TRPC4: variants seen among roughly 807,000 people sequenced by gnomAD.
The protein encoded by TRPC4 is transient receptor potential cation channel subfamily C member 4.
A neutral mutation model predicts 99.4 loss-of-function variants in TRPC4; 49 were observed. The ratio of observed to expected loss-of-function variants is 0.49; its 90% CI spans 0.39 to 0.63. TRPC4 has a LOEUF of 0.63. Ranked by LOEUF, TRPC4 falls within the 20% of genes least tolerant of loss-of-function variation. The pLI is 0.00. For synonymous variants in TRPC4, 454 were observed against 425.9 expected, an observed-to-expected ratio of 1.07 and a Z score of -0.81; for missense variants, 898 against 1,152.9, an observed-to-expected ratio of 0.78 and a Z score of 3.20.
At chr13:37,765,172 T>A (rs1956331146) in intron 2 of TRPC4, among the ~76,000 whole-genome samples, 1 of 151,430 alleles carries the variant, frequency 6.6e-6, no homozygotes, top group African/African-American at 2.4e-5. Context: ...CTATAAAGAT[T>A]GTTAATATTA....
intron 1 of TRPC4, among the ~76,000 whole-genome samples, chr13:37,808,274 C>A (rs1219998613): frequency 6.6e-6 from 1 of 151,964 alleles, no homozygotes; most frequent in Non-Finnish European, 1.5e-5. Context: ...AAATGATAGT[C>A]TTGGCAGGTC....
chr13:37,858,400 C>T (rs1449849418), intron 1 of TRPC4, among the ~76,000 whole-genome samples: 2 of 151,452 alleles, frequency 1.3e-5, no homozygotes, highest in Non-Finnish European at 3.0e-5. Flanking sequence ...TATGATCCAG[C>T]AATTCCAGCA....
chr13:37,670,324 A>C (rs888918992), intron 5 of TRPC4, among the ~76,000 whole-genome samples: 1 of 152,208 alleles, frequency 6.6e-6, no homozygotes, highest in African/African-American at 2.4e-5. Flanking sequence ...GAACAATTAT[A>C]ACAAGATTTT....
chr13:37,726,377 C>T (rs1230486096), intron 3 of TRPC4, among the ~76,000 whole-genome samples: 3 of 151,936 alleles, frequency 2.0e-5, no homozygotes, highest in African/African-American at 7.3e-5. Flanking sequence ...TAAAAAGAAA[C>T]TGTATTTTTG....
At position 37,655,076 on chromosome 13, in the gene TRPC4, T is replaced by C; in HGVS notation, c.1884+12A>G. The C allele has an allele frequency of 6.8e-7, 1 of 1,468,728 alleles. No individual in the cohort carries two copies. Among genetic ancestry groups the C allele is most frequent in the Non-Finnish European group, 9.1e-7 (1 of 1,099,684 alleles). 91.0% of individuals were successfully genotyped at this position (1,468,728 alleles called of 1,614,324 possible). A position where few individuals can be genotyped will look rare whatever the true frequency, so the allele number is the denominator to read the frequency against. On this transcript the variant is annotated intron_variant, in intron 7 of 10. Coordinates refer to ENST00000379705, the MANE Select transcript of TRPC4 (RefSeq NM_016179.4). Reference sequence around the variant, plus strand: ...AGGAAACATTGAATTAAAATAAAGCTGGTCAACTTACAGCAATCAGTTGGT... The same window carrying C: ...AGGAAACATTGAATTAAAATAAAGCCGGTCAACTTACAGCAATCAGTTGGT...
In TRPC4 at chr13:37,758,009, G is replaced by A. The variant is rs1473988278; in HGVS notation, c.379-11554C>T. Among the ~76,000 whole-genome samples the A allele has an allele frequency of 2.0e-5, 3 of 152,010 alleles. No homozygotes were observed. The East Asian group carries it at 5.8e-4, about 29-fold the overall frequency. On this transcript the variant is annotated intron_variant, in intron 2 of 10. Transcript: ENST00000379705. ...AGATCTTCCTTAATTTACTTGACAT[G>A]TGGGCCTGTATATTTCAGTTAGGGG...
chr13:37,698,263 C>G (rs568982327), intron 3 of TRPC4, among the ~76,000 whole-genome samples: 1 of 144,344 alleles, frequency 6.9e-6, no homozygotes, highest in Non-Finnish European at 1.5e-5. Context: ...CGGGTTCTTG[C>G]CATTCTCCTG....
intron 3 of TRPC4, among the ~76,000 whole-genome samples, chr13:37,745,472 A>ATG (rs1955731921): frequency 0.012 from 22 of 1,860 alleles, 2 homozygotes; most frequent in Admixed American, 0.085. Flanking sequence ...ATATATATAT[A>ATG]TACACACACA....
chr13:37,695,816 A>G (rs372845615), intron 3 of TRPC4, among the ~76,000 whole-genome samples: 2 of 152,284 alleles, frequency 1.3e-5, no homozygotes, highest in East Asian at 1.9e-4. Context: ...CATTTTTACA[A>G]ATAGAATAAG....
In TRPC4 at chr13:37,721,447, AG is replaced by A. The variant is rs1423938182; in HGVS notation, c.897+24489del. ...TTAGGGCTTTCAAAGAGGCTATCTT[AG>A]GGTTTATACTATGCCATTTTTAGTA... On this transcript the variant is annotated intron_variant, in intron 3 of 10. Coordinates refer to ENST00000379705, the MANE Select transcript of TRPC4 (RefSeq NM_016179.4). Among the ~76,000 whole-genome samples the A allele has an allele frequency of 2.0e-5, 3 of 152,156 alleles. No homozygotes were observed. The East Asian group carries it at 5.8e-4, about 29-fold the overall frequency.
At chr13:37,868,648 TAAAAC>T (rs1959939575) in intron 1 of TRPC4, among the ~76,000 whole-genome samples, 1 of 149,238 alleles carries the variant, frequency 6.7e-6, no homozygotes, top group African/African-American at 2.5e-5. Flanking sequence ...TTTTTTTTAA[TAAAAC>T]AACTAAAGCT....
At chr13:37,673,158 A>G (rs779512179) in intron 5 of TRPC4, among the ~76,000 whole-genome samples, 40 of 131,864 alleles carry the variant, frequency 3.0e-4, no homozygotes, top group Non-Finnish European at 4.3e-4. Flanking sequence ...ACGTGTTCTC[A>G]TTGTTCAATT....
At chr13:37,693,074 G>A (rs1953773856) in intron 3 of TRPC4, among the ~76,000 whole-genome samples, 1 of 30,330 alleles carries the variant, frequency 3.3e-5, no homozygotes, top group Non-Finnish European at 8.3e-5. Context: ...CTTACTGTAT[G>A]TTAAGGTTAC....
intron 8 of TRPC4, among the ~76,000 whole-genome samples, chr13:37,645,279 C>T (rs1951835833): frequency 6.6e-6 from 1 of 152,122 alleles, no homozygotes; most frequent in Non-Finnish European, 1.5e-5. Context: ...GAAACTGCTG[C>T]TGCTGCAAGG....
At position 37,633,284 on chromosome 13, in the gene TRPC4, T is replaced by C. The variant is rs1487380352; in HGVS notation, c.*3619A>G. 3.3e-5 allele frequency among the ~76,000 whole-genome samples: 5 copies of C among 152,130 alleles called. No individual in the cohort carries two copies. The highest frequency in any genetic ancestry group is 9.7e-5 in the African/African-American group (4 of 41,448). ...GATAATACAGAGAAAGAAAAATATA[T>C]TGTAAGCATATTTACAGGGCCACAA... is the stretch of plus-strand genomic sequence containing the variant. On this transcript the variant is annotated 3_prime_UTR_variant, in exon 11 of 11. Coordinates refer to ENST00000379705, the MANE Select transcript of TRPC4 (RefSeq NM_016179.4).
intron 4 of TRPC4, among the ~76,000 whole-genome samples, 157 bp from the exon 5 acceptor site, chr13:37,674,524 A>C (rs1196518772): frequency 6.6e-6 from 1 of 152,220 alleles, no homozygotes; most frequent in African/African-American, 2.4e-5. Flanking sequence ...ACTGAGTCCC[A>C]GCCATACTTT....
chr13:37,667,932 T>C (rs751122941), intron 5 of TRPC4, among the ~76,000 whole-genome samples: 1 of 152,210 alleles, frequency 6.6e-6, no homozygotes, highest in Non-Finnish European at 1.5e-5. Flanking sequence ...TATACATGAG[T>C]GTGCCTGCTC....
At chr13:37,790,108 G>A (rs1204966824) in intron 1 of TRPC4, among the ~76,000 whole-genome samples, 1 of 152,088 alleles carries the variant, frequency 6.6e-6, no homozygotes, top group Non-Finnish European at 1.5e-5. Context: ...AACTGGTCAT[G>A]AAACTCTCTC....
At chr13:37,655,380 T>TAC in intron 6 of TRPC4, 97 bp from the exon 7 acceptor site, 1 of 412,986 alleles carries the variant, frequency 2.4e-6, no homozygotes, top group Non-Finnish European at 3.7e-6. Flanking sequence ...TATATATATA[T>TAC]ATATAATTAA....
Sources: allele counts gnomAD v4.1 joint callset (sites outside exome capture counted in the v4.1 genomes callset), GRCh38; gene constraint gnomAD v4.1.1; transcripts MANE v1.5; gene names NCBI Gene and HGNC (gene_info 2026-07-23, HGNC 2026-07-21).